The following ROBO2 variants were observed in gnomAD, a reference collection of about 807,000 sequenced individuals.
ROBO2 encodes the protein roundabout homolog 2.
In ROBO2, 53 loss-of-function variants were observed where a neutral mutation model predicts 160.8. The observed-to-expected ratio is 0.33, with a 90% CI of 0.26 to 0.41. ROBO2 has a LOEUF of 0.41. Ranked by LOEUF, ROBO2 falls within the 10% of genes least tolerant of loss-of-function variation. The probability of loss-of-function intolerance (pLI) is 1.00; values close to 1 mark genes in which losing one functional copy is unlikely to be tolerated. For missense variants in ROBO2, 1,577 were observed against 1,722.4 expected, an observed-to-expected ratio of 0.92 and a Z score of 1.49; for synonymous variants, 664 against 611.7, an observed-to-expected ratio of 1.09 and a Z score of -1.26.
intron 21 of ROBO2, among the ~76,000 whole-genome samples, chr3:77,609,791 C>CATATATATATATATAT (rs34908269): frequency 7.4e-4 from 107 of 143,670 alleles, no homozygotes; most frequent in African/African-American, 2.7e-3. Context: ...TTTATATATA[C>CATATATATATATATAT]ATATATATAT....
chr3:76,821,802 C>G (rs921746039), intron 2 of ROBO2, among the ~76,000 whole-genome samples: 7 of 151,970 alleles, frequency 4.6e-5, no homozygotes. Context: ...TCAACAGAAA[C>G]AGTAAAAAAC....
At chr3:77,545,805 C>T (rs563917561) in intron 6 of ROBO2, among the ~76,000 whole-genome samples, 19 of 152,160 alleles carry the variant, frequency 1.2e-4, no homozygotes, top group African/African-American at 3.6e-4. Flanking sequence ...TTCAATTCTT[C>T]AATGTCTTTA....
rs535768351 is a variant in ROBO2, at chr3:76,331,872, C to T, written c.109+394270C>T. Among the ~76,000 whole-genome samples, 471 of 151,880 alleles carry T rather than the reference C, an allele frequency of 3.1e-3. 2 individuals are homozygous for T. Among genetic ancestry groups the T allele is most frequent in the African/African-American group, 0.011 (439 of 41,440 alleles). On this transcript the variant is annotated intron_variant, in intron 2 of 26. Coordinates refer to the ROBO2 transcript ENST00000487694. ...CTAGTTTTTGTATTTTTAGTAGAGACGGAGTTTCACTATATCGGTCAGGCT... is the reference window on the plus strand; with the variant it reads ...CTAGTTTTTGTATTTTTAGTAGAGATGGAGTTTCACTATATCGGTCAGGCT...
At chr3:76,957,026 T>C (rs2079320435) in intron 2 of ROBO2, among the ~76,000 whole-genome samples, 2 of 152,114 alleles carry the variant, frequency 1.3e-5, no homozygotes, top group South Asian at 4.1e-4. Context: ...GTTTCAAATC[T>C]TACGTTTAGG....
rs562487322 is a variant in ROBO2, at chr3:76,990,086, T to A, written c.110-107928T>A. Among the ~76,000 whole-genome samples the A allele has an allele frequency of 7.8e-3, 825 of 105,220 alleles. 7 individuals carry two copies. Among genetic ancestry groups the A allele is most frequent in the Middle Eastern group, 0.014 (3 of 220 alleles). 69.0% of individuals were successfully genotyped at this position (105,220 alleles called of 152,430 possible). ...TTATGAAAGCTATTGAAAAATTATT[T>A]TTCTACTCTCTTCTATTCTTTTAAA... is the stretch of plus-strand genomic sequence containing the variant. On this transcript the variant is annotated intron_variant, in intron 2 of 26. Coordinates refer to the ROBO2 transcript ENST00000487694.
intron 4 of ROBO2, among the ~76,000 whole-genome samples, chr3:77,486,285 A>G (rs1245343777): frequency 6.6e-6 from 1 of 152,152 alleles, no homozygotes; most frequent in African/African-American, 2.4e-5. Flanking sequence ...TCCTTTGGGT[A>G]TCTACCCCGT....
chr3:76,949,207 C>T (rs1266695218), intron 2 of ROBO2, among the ~76,000 whole-genome samples: 1 of 151,796 alleles, frequency 6.6e-6, no homozygotes, highest in Non-Finnish European at 1.5e-5. Flanking sequence ...AGAGTTAATT[C>T]TGCCGTATGC....
At chr3:77,221,860 T>TTTTTC (rs2085857675) in intron 2 of ROBO2, among the ~76,000 whole-genome samples, 4 of 140,888 alleles carry the variant, frequency 2.8e-5, no homozygotes, top group Non-Finnish European at 4.7e-5. Context: ...TTTTCTTTTT[T>TTTTTC]TTTTTTTTTT....
At chr3:76,982,328 G>T (rs1032834096) in intron 2 of ROBO2, among the ~76,000 whole-genome samples, 1 of 152,084 alleles carries the variant, frequency 6.6e-6, no homozygotes, top group African/African-American at 2.4e-5. Context: ...TTTTTGAAAA[G>T]ACAATTCTTT....
At chr3:76,148,177 G>C (rs2071991301) in intron 2 of ROBO2, among the ~76,000 whole-genome samples, 1 of 151,822 alleles carries the variant, frequency 6.6e-6, no homozygotes, top group Non-Finnish European at 1.5e-5. Flanking sequence ...CCTCATTTCT[G>C]ACTTAACTGA....
intron 2 of ROBO2, among the ~76,000 whole-genome samples, chr3:77,098,751 G>A (rs2071456428): frequency 6.6e-6 from 1 of 152,064 alleles, no homozygotes; most frequent in Non-Finnish European, 1.5e-5. Flanking sequence ...AGCTACTCGG[G>A]AGGCTGAGGC....
intron 2 of ROBO2, among the ~76,000 whole-genome samples, chr3:75,995,438 G>A (rs1001261822): frequency 6.6e-6 from 1 of 152,150 alleles, no homozygotes; most frequent in African/African-American, 2.4e-5. Flanking sequence ...GTATACAAAA[G>A]TTAAAAAACT....
chr3:77,287,557 C>G (rs559471310), intron 2 of ROBO2, among the ~76,000 whole-genome samples: 22 of 152,166 alleles, frequency 1.4e-4, no homozygotes, highest in Non-Finnish European at 3.1e-4. Flanking sequence ...ATCTTTAGAC[C>G]GTTAAAACTC....
At chr3:76,209,728 G>A (rs142568969) in intron 2 of ROBO2, among the ~76,000 whole-genome samples, 101 of 152,160 alleles carry the variant, frequency 6.6e-4, no homozygotes, top group Middle Eastern at 3.4e-3. Flanking sequence ...AAGATGTGTC[G>A]TGCTCATGGA....
chr3:75,916,697 G>A (rs187734864), intron 1 of ROBO2, among the ~76,000 whole-genome samples: 13 of 151,654 alleles, frequency 8.6e-5, no homozygotes, highest in African/African-American at 2.9e-4. Flanking sequence ...ATAATTTATG[G>A]CAAAAAAAAG....
chr3:76,623,655 T>C (rs1334269159), intron 2 of ROBO2, among the ~76,000 whole-genome samples: 2 of 152,196 alleles, frequency 1.3e-5, no homozygotes, highest in Non-Finnish European at 2.9e-5. Context: ...CAATTTTGTC[T>C]ATACTTCCAG....
At chr3:76,580,354 G>GTTTTTTTTTTTTT (rs1457222056) in intron 2 of ROBO2, among the ~76,000 whole-genome samples, 12 of 46,354 alleles carry the variant, frequency 2.6e-4, no homozygotes, top group Admixed American at 4.7e-4. Flanking sequence ...TTTTTTTTTT[G>GTTTTTTTTTTTTT]TTTTTTTTTT....
intron 2 of ROBO2, among the ~76,000 whole-genome samples, chr3:76,287,611 T>C (rs1281838480): frequency 6.6e-6 from 1 of 152,160 alleles, no homozygotes; most frequent in Non-Finnish European, 1.5e-5. Flanking sequence ...TTTTCTTAAG[T>C]GATTATTCTA....
intron 1 of ROBO2, among the ~76,000 whole-genome samples, chr3:77,069,226 A>G (rs537530682): frequency 1.3e-5 from 2 of 152,318 alleles, no homozygotes; most frequent in East Asian, 1.9e-4. Flanking sequence ...TTTAAGAGAG[A>G]GAGACCATTG....
Sources: allele counts gnomAD v4.1 joint callset (sites outside exome capture counted in the v4.1 genomes callset), GRCh38; gene constraint gnomAD v4.1.1; transcripts MANE v1.5; gene names NCBI Gene and HGNC (gene_info 2026-07-23, HGNC 2026-07-21).